The following SEMA3D variants were observed in gnomAD, a reference collection of about 807,000 sequenced individuals.
SEMA3D encodes semaphorin 3D, also known as semaphorin-3D.
A neutral mutation model predicts 100.1 loss-of-function variants in SEMA3D; 84 were observed. That is an observed-to-expected ratio of 0.84 (90% CI 0.70 to 1.01). The LOEUF (loss-of-function observed/expected upper bound fraction) is 1.01, where lower values mean the gene tolerates loss of function less well. Ranked by LOEUF, SEMA3D falls within the 50% of genes least tolerant of loss-of-function variation. The pLI, the probability that SEMA3D is intolerant of heterozygous loss-of-function variation, is 0.00. For missense variants in SEMA3D, 875 were observed against 934.1 expected (o/e 0.94, Z 0.82); for synonymous variants, 312 against 320.7 (o/e 0.97, Z 0.29).
At chr7:85,044,855 G>A (rs574890826) in intron 9 of SEMA3D, among the ~76,000 whole-genome samples, 1 of 152,068 alleles carries the variant, frequency 6.6e-6, no homozygotes, top group African/African-American at 2.4e-5. Flanking sequence ...ATTTTTAGTT[G>A]GTTTTTGAAT....
chr7:85,192,821 A>C, the SEMA3D span, among the ~76,000 whole-genome samples: 1 of 152,138 alleles, frequency 6.6e-6, no homozygotes, highest in Non-Finnish European at 1.5e-5. Context: ...CACTTCAATA[A>C]AATTACTTTT....
the SEMA3D span, among the ~76,000 whole-genome samples, chr7:85,244,571 G>C: frequency 6.6e-6 from 1 of 152,126 alleles, no homozygotes; most frequent in Non-Finnish European, 1.5e-5. Flanking sequence ...TCTAGGTTGC[G>C]ATAGTCCAGG....
At chr7:85,054,321 T>C (rs1373964423) in intron 9 of SEMA3D, among the ~76,000 whole-genome samples, 2 of 152,080 alleles carry the variant, frequency 1.3e-5, no homozygotes, top group East Asian at 1.9e-4. Flanking sequence ...ACATAGCTCA[T>C]TTATACAAAT....
chr7:85,176,439 A>G (rs1791228463), intron 1 of SEMA3D, among the ~76,000 whole-genome samples: 1 of 152,120 alleles, frequency 6.6e-6, no homozygotes, highest in Non-Finnish European at 1.5e-5. Context: ...TGTGTTTTGT[A>G]TGCTACGACT....
At chr7:85,029,703 C>A in intron 12 of SEMA3D, 1 of 333,548 alleles carries the variant, frequency 3.0e-6, no homozygotes, top group South Asian at 2.6e-5. Flanking sequence ...TAAGACAACC[C>A]AACTATAGAT....
Position 85,029,090 on chromosome 7 carries a change from C to T in SEMA3D, c.1192-6477G>A, listed in dbSNP as rs1051727851. Reference sequence around the variant, plus strand: ...ATCAAGTGTGATGCTACCATTCCTACCAGGCAGACACAGACCTTCACTACC... The same window carrying T: ...ATCAAGTGTGATGCTACCATTCCTATCAGGCAGACACAGACCTTCACTACC... On this transcript the variant is annotated intron_variant, in intron 12 of 18. Coordinates refer to ENST00000284136, the MANE Select transcript of SEMA3D (RefSeq NM_001384900.1). 7.1e-6 allele frequency: 4 copies of T among 564,072 alleles called. No homozygotes were observed. In the African/African-American group the frequency reaches 7.6e-5, roughly 11 times the overall value. The allele number at this position is 564,072 out of a possible 1,614,324, so 34.9% of individuals were successfully genotyped here.
chr7:85,248,945 C>T, the SEMA3D span, among the ~76,000 whole-genome samples: 2 of 152,110 alleles, frequency 1.3e-5, no homozygotes, highest in Non-Finnish European at 2.9e-5. Flanking sequence ...GAATATACAA[C>T]ACCAAGAGTG....
intron 8 of SEMA3D, among the ~76,000 whole-genome samples, chr7:85,060,410 C>T (rs1327035044): frequency 2.0e-5 from 3 of 152,152 alleles, no homozygotes; most frequent in Non-Finnish European, 4.4e-5. Flanking sequence ...CCCTGATTTA[C>T]TGCCAAATTT....
intron 3 of SEMA3D, among the ~76,000 whole-genome samples, chr7:85,109,860 A>C (rs1329357842): frequency 6.6e-6 from 1 of 151,978 alleles, no homozygotes; most frequent in Non-Finnish European, 1.5e-5. Context: ...TGCACATAAA[A>C]ACTTTTGCTC....
the SEMA3D span, among the ~76,000 whole-genome samples, chr7:85,225,869 A>G: frequency 6.6e-6 from 1 of 152,184 alleles, no homozygotes; most frequent in Admixed American, 6.5e-5. Flanking sequence ...ATTTCATGTT[A>G]CAAACATCAT....
At chr7:85,029,343 T>A in intron 12 of SEMA3D, 1 of 1,352,194 alleles carries the variant, frequency 7.4e-7, no homozygotes, top group Non-Finnish European at 1.0e-6. Context: ...AAGCTGAAGA[T>A]GAGAAGCAGA....
the SEMA3D span, among the ~76,000 whole-genome samples, chr7:85,220,894 A>G: frequency 6.6e-6 from 1 of 152,140 alleles, no homozygotes; most frequent in African/African-American, 2.4e-5. Context: ...ACATAGAATC[A>G]TGTTGCACAA....
At chr7:85,216,080 T>C in the SEMA3D span, among the ~76,000 whole-genome samples, 1 of 152,116 alleles carries the variant, frequency 6.6e-6, no homozygotes, top group Non-Finnish European at 1.5e-5. Flanking sequence ...TCATTAATAT[T>C]ATCATTGATT....
the SEMA3D span, among the ~76,000 whole-genome samples, chr7:85,250,052 T>G: frequency 1.3e-5 from 2 of 152,044 alleles, no homozygotes; most frequent in African/African-American, 4.8e-5. Context: ...ATTGCCTCAC[T>G]TGGGAAGCAC....
At position 85,163,572 on chromosome 7, in the gene SEMA3D, A is replaced by T. The variant is rs1332824300; in HGVS notation, c.-172-9833T>A. 5.3e-5 allele frequency among the ~76,000 whole-genome samples: 8 copies of T among 152,272 alleles called. 1 individual carries two copies. The highest frequency in any genetic ancestry group is 6.8e-3 in the Middle Eastern group (2 of 294). ...TAGGAAATAACTAGGTAATTTAAAGATGAATTTTTTAAAGTAATGAATAAA... is the reference window on the plus strand; with the variant it reads ...TAGGAAATAACTAGGTAATTTAAAGTTGAATTTTTTAAAGTAATGAATAAA... On this transcript the variant is annotated intron_variant, in intron 1 of 18. Coordinates refer to ENST00000284136, the MANE Select transcript of SEMA3D (RefSeq NM_001384900.1).
At chr7:85,027,794 T>C (rs1790431836) in intron 12 of SEMA3D, 4 of 437,314 alleles carry the variant, frequency 9.1e-6, no homozygotes, top group African/African-American at 4.1e-5. Flanking sequence ...GTGTCTCACT[T>C]TGAAATCTGA....
intron 3 of SEMA3D, among the ~76,000 whole-genome samples, chr7:85,113,643 C>T (rs1322574664): frequency 6.6e-6 from 1 of 150,850 alleles, no homozygotes; most frequent in East Asian, 2.0e-4. Context: ...TGGTGGCACG[C>T]GCCAGTAGTC....
chr7:85,144,027 A>G (rs1420835280), intron 2 of SEMA3D, among the ~76,000 whole-genome samples: 2 of 152,044 alleles, frequency 1.3e-5, no homozygotes, highest in East Asian at 1.9e-4. Flanking sequence ...TTGTAATTTT[A>G]AATTTTCTTA....
chr7:85,137,060 C>A (rs1026840591), intron 2 of SEMA3D, among the ~76,000 whole-genome samples: 1 of 151,984 alleles, frequency 6.6e-6, no homozygotes, highest in Non-Finnish European at 1.5e-5. Flanking sequence ...TAACAACATA[C>A]ATAGACTTTT....
Sources: gnomAD v4.1 joint callset for allele counts (sites outside exome capture counted in the v4.1 genomes callset) on GRCh38, gnomAD v4.1.1 for gene constraint, MANE v1.5 for transcripts, NCBI Gene and HGNC (gene_info 2026-07-23, HGNC 2026-07-21) for gene names.